Variants in GXYLT2 observed in about 807,000 individuals in gnomAD.
GXYLT2 encodes glucoside xylosyltransferase 2.
A neutral mutation model predicts 45.8 loss-of-function variants in GXYLT2; 53 were observed. The ratio of observed to expected loss-of-function variants is 1.16; its 90% CI spans 0.93 to 1.46. GXYLT2 has a LOEUF of 1.46. Among genes scored for constraint, GXYLT2 ranks in the 40% most tolerant of loss-of-function variants. The pLI is 0.00. For missense variants in GXYLT2, 551 were observed against 544.4 expected (o/e 1.01, Z -0.12); for synonymous variants, 219 against 214.2 (o/e 1.02, Z -0.19).
At chr3:72,909,189 C>A (rs1341398979) in intron 2 of GXYLT2, among the ~76,000 whole-genome samples, 1 of 151,086 alleles carries the variant, frequency 6.6e-6, no homozygotes, top group Non-Finnish European at 1.5e-5. Flanking sequence ...CTGCCTCAGC[C>A]TCCCGAGTAG....
intron 1 of GXYLT2, among the ~76,000 whole-genome samples, chr3:72,903,461 G>A (rs1481945263): frequency 6.6e-6 from 1 of 152,178 alleles, no homozygotes; most frequent in African/African-American, 2.4e-5. Flanking sequence ...TGAGATTTGA[G>A]CTCAGATCCC....
Position 72,888,131 on chromosome 3 carries a change from C to G in GXYLT2, c.-103C>G. On this transcript the variant is annotated 5_prime_UTR_variant, in exon 1 of 7. Transcript: ENST00000389617. Reference sequence around the variant, plus strand: ...ACGACCCCAGTCCCCGGCGGGCGGGCGGAGGAGGCGACCGCCGCGCGCTGC... The same window carrying G: ...ACGACCCCAGTCCCCGGCGGGCGGGGGGAGGAGGCGACCGCCGCGCGCTGC... 1 of 780,510 alleles carries G rather than the reference C, an allele frequency of 1.3e-6. No homozygotes were observed. Among genetic ancestry groups the G allele is most frequent in the Non-Finnish European group, 1.5e-6 (1 of 645,296 alleles). The allele number at this position is 780,510 out of a possible 1,614,324, so 48.3% of individuals were successfully genotyped here.
intron 5 of GXYLT2, among the ~76,000 whole-genome samples, chr3:72,958,773 A>G (rs1018905899): frequency 1.3e-5 from 2 of 151,664 alleles, no homozygotes; most frequent in East Asian, 2.0e-4. Context: ...CGGAGATTAC[A>G]GGAGTGTGCC....
chr3:72,930,174 CAA>C (rs5850088), intron 3 of GXYLT2, among the ~76,000 whole-genome samples: 2 of 147,512 alleles, frequency 1.4e-5, no homozygotes, highest in African/African-American at 2.5e-5. Flanking sequence ...CTCAAAAAAA[CAA>C]AAAAAAAAAC....
intron 1 of GXYLT2, among the ~76,000 whole-genome samples, chr3:72,889,094 T>C (rs1709126813): frequency 6.6e-6 from 1 of 152,054 alleles, no homozygotes; most frequent in Admixed American, 6.5e-5. Context: ...CAGGCTCGAG[T>C]GTGGTCAAAG....
rs1231482124 is a variant in GXYLT2, at chr3:72,908,577, A to G, written c.468+18A>G. ...ATAAGCAGGTGAATTTGCAGAAATC[A>G]TGGCACAGTGTTTACTAAGTACAAA... On this transcript the variant is annotated intron_variant, in intron 2 of 6. Transcript: ENST00000389617. 2.6e-6 allele frequency: 4 copies of G among 1,539,386 alleles called. No homozygotes were observed. The highest frequency in any genetic ancestry group is 2.3e-5 in the South Asian group (2 of 86,498).
intron 5 of GXYLT2, among the ~76,000 whole-genome samples, chr3:72,961,589 G>A (rs1377708444): frequency 2.1e-5 from 3 of 142,686 alleles, no homozygotes; most frequent in African/African-American, 7.8e-5. Flanking sequence ...TCAACCCCAA[G>A]TGAATACATT....
chr3:72,888,428 G>T lies in GXYLT2; in HGVS notation c.195G>T (p.Pro65=). The change falls in exon 1 of 7, where the codon CCG becomes CCT. Residue 65 remains proline (P), a synonymous_variant. Transcript: ENST00000389617. The part of the protein sequence containing the change: ...PGPGALPGAS[P]GVRRRRPPRP... Reference sequence around the variant, plus strand: ...CGGGCGCCCTCCCCGGGGCCAGCCCGGGAGTTCGGAGGCGCCGGCCCCCGC... The same window carrying T: ...CGGGCGCCCTCCCCGGGGCCAGCCCTGGAGTTCGGAGGCGCCGGCCCCCGC... 1 of 1,130,140 alleles carries T rather than the reference G, an allele frequency of 8.8e-7. No individual in the cohort carries two copies. Among genetic ancestry groups the T allele is most frequent in the Non-Finnish European group, 1.1e-6 (1 of 922,264 alleles). 70.0% of individuals were successfully genotyped at this position (1,130,140 alleles called of 1,614,324 possible).
Position 72,972,502 on chromosome 3 carries a change from G to A in GXYLT2, c.1150-2475G>A, listed in dbSNP as rs537406138. ...CTAAAAATACAGAAATCAGCCGGGC[G>A]TGGTGGCAGGCACCTGTAATCCCAG... is the stretch of plus-strand genomic sequence containing the variant. On this transcript the variant is annotated intron_variant, in intron 6 of 6. Coordinates refer to ENST00000389617, the MANE Select transcript of GXYLT2 (RefSeq NM_001080393.2). Among the ~76,000 whole-genome samples, 206 of 151,852 alleles carry A rather than the reference G, an allele frequency of 1.4e-3. 1 individual carries two copies. The highest frequency in any genetic ancestry group is 4.9e-3 in the African/African-American group (202 of 41,440).
intron 6 of GXYLT2, among the ~76,000 whole-genome samples, chr3:72,969,620 A>G (rs1710946906): frequency 6.6e-6 from 1 of 152,202 alleles, no homozygotes; most frequent in African/African-American, 2.4e-5. Context: ...TACAGGTCTG[A>G]GCCATCGTGC....
chr3:72,899,235 T>G (rs1709354821), intron 1 of GXYLT2, among the ~76,000 whole-genome samples: 1 of 152,224 alleles, frequency 6.6e-6, no homozygotes, highest in South Asian at 2.1e-4. Context: ...CTTTAGGCTC[T>G]GAACACCTCC....
At chr3:72,919,711 C>T (rs1709797229) in intron 2 of GXYLT2, among the ~76,000 whole-genome samples, 1 of 152,144 alleles carries the variant, frequency 6.6e-6, no homozygotes, top group South Asian at 2.1e-4. Flanking sequence ...GCTGAGATTG[C>T]GCCATTGCAC....
chr3:72,888,311 C>T lies in GXYLT2; in HGVS notation c.78C>T (p.Arg26=), dbSNP rs1454476731. The change falls in exon 1 of 7, where the codon CGC becomes CGT. Residue 26 remains arginine, a synonymous_variant. Transcript: ENST00000389617. ...AALLLALLSL[R]AGRAEPPALP... ...TGCTGCTGGCGCTGCTGTCCCTGCG[C>T]GCTGGCCGCGCTGAGCCCCCAGCGC... 1.0e-6 allele frequency: 1 copy of T among 988,446 alleles called. No individual in the cohort carries two copies. Among genetic ancestry groups the T allele is most frequent in the Non-Finnish European group, 1.2e-6 (1 of 834,212 alleles). The allele number at this position is 988,446 out of a possible 1,614,324, so 61.2% of individuals were successfully genotyped here.
At chr3:72,919,351 A>T (rs530112778) in intron 2 of GXYLT2, among the ~76,000 whole-genome samples, 5 of 152,342 alleles carry the variant, frequency 3.3e-5, no homozygotes, top group African/African-American at 9.6e-5. Flanking sequence ...CATGTAGGAG[A>T]CCTAAATGCA....
intron 6 of GXYLT2, among the ~76,000 whole-genome samples, chr3:72,974,348 C>A (rs1160717725): frequency 6.6e-6 from 1 of 152,196 alleles, no homozygotes; most frequent in East Asian, 1.9e-4. Context: ...TTATTAAAAT[C>A]TGGTTTATTG....
chr3:72,954,995 G>T, intron 3 of GXYLT2, 103 bp from the exon 4 acceptor site: 1 of 1,146,250 alleles, frequency 8.7e-7, no homozygotes, highest in Non-Finnish European at 1.2e-6. Flanking sequence ...AACAAAAGTT[G>T]GTAGCATTAT....
chr3:72,888,144 C>T lies in GXYLT2; in HGVS notation c.-90C>T, dbSNP rs913465534. ...CCGGCGGGCGGGCGGAGGAGGCGAC[C>T]GCCGCGCGCTGCTGCACTCATCCTG... On this transcript the variant is annotated 5_prime_UTR_variant, in exon 1 of 7. Transcript: ENST00000389617. 2 of 913,106 alleles carry T rather than the reference C, an allele frequency of 2.2e-6. No homozygotes were observed. Among genetic ancestry groups the T allele is most frequent in the South Asian group, 4.8e-5 (1 of 20,740 alleles). The allele number at this position is 913,106 out of a possible 1,614,324, so 56.6% of individuals were successfully genotyped here. A position where few individuals can be genotyped will look rare whatever the true frequency, so the allele number is the denominator to read the frequency against.
At chr3:72,908,029 G>A (rs1709543000) in intron 1 of GXYLT2, 1 of 201,904 alleles carries the variant, frequency 5.0e-6, no homozygotes, top group Non-Finnish European at 1.0e-5. Context: ...GAGCTCCACA[G>A]CCCTTGTGTC....
chr3:72,906,093 T>A (rs903007033), intron 1 of GXYLT2, among the ~76,000 whole-genome samples: 2 of 152,206 alleles, frequency 1.3e-5, no homozygotes, highest in African/African-American at 2.4e-5. Flanking sequence ...CTTGACTGAT[T>A]TTTAGAAATT....
Sources: gnomAD v4.1 joint callset for allele counts (sites outside exome capture counted in the v4.1 genomes callset) on GRCh38, gnomAD v4.1.1 for gene constraint, MANE v1.5 for transcripts, NCBI Gene and HGNC (gene_info 2026-07-23, HGNC 2026-07-21) for gene names.